STIM2: variants seen among roughly 807,000 people sequenced by gnomAD.
STIM2 encodes the protein stromal interaction molecule 2.
STIM2 carries 31 observed loss-of-function variants against 85.8 expected under a neutral mutation model. That is an observed-to-expected ratio of 0.36 (90% CI 0.27 to 0.49). The LOEUF is 0.49. STIM2 is among the 20% of genes least tolerant of loss of function. The probability of loss-of-function intolerance (pLI) is 0.98; values close to 1 mark genes in which losing one functional copy is unlikely to be tolerated. For synonymous variants in STIM2, 356 were observed against 331.1 expected (o/e 1.08, Z -0.82); for missense variants, 841 against 927.6 (o/e 0.91, Z 1.21).
chr4:27,005,737 T>C (rs1201763038), intron 7 of STIM2, among the ~76,000 whole-genome samples: 1 of 152,212 alleles, frequency 6.6e-6, no homozygotes, highest in Non-Finnish European at 1.5e-5. Flanking sequence ...AGTCATTATT[T>C]GGCAATCAAT....
intron 2 of STIM2, among the ~76,000 whole-genome samples, chr4:26,933,692 G>C (rs1725283487): frequency 7.3e-6 from 1 of 136,528 alleles, no homozygotes; most frequent in South Asian, 2.3e-4. Flanking sequence ...TTGAGCTAAG[G>C]AGTTGGAGAC....
intron 1 of STIM2, among the ~76,000 whole-genome samples, chr4:26,912,099 A>G (rs1724365289): frequency 6.6e-6 from 1 of 152,246 alleles, no homozygotes; most frequent in Admixed American, 6.5e-5. Context: ...TGAAGTATTG[A>G]AGTATTTGAT....
At chr4:26,962,393 A>G (rs1726509287) in intron 3 of STIM2, among the ~76,000 whole-genome samples, 1 of 152,206 alleles carries the variant, frequency 6.6e-6, no homozygotes, top group Admixed American at 6.5e-5. Flanking sequence ...ATTTATTGAT[A>G]AAATGAACAG....
At chr4:26,997,760 A>G (rs188650247) in intron 4 of STIM2, among the ~76,000 whole-genome samples, 8 of 152,340 alleles carry the variant, frequency 5.3e-5, no homozygotes, top group Admixed American at 2.0e-4. Context: ...CCTTCATGCA[A>G]TTTGATAAGT....
chr4:26,885,252 C>A (rs1156909562), intron 1 of STIM2, among the ~76,000 whole-genome samples: 1 of 152,088 alleles, frequency 6.6e-6, no homozygotes, highest in African/African-American at 2.4e-5. Context: ...GGGCTCAAAT[C>A]ATCAGTATAC....
At chr4:26,975,219 G>A (rs1294152335) in intron 3 of STIM2, among the ~76,000 whole-genome samples, 1 of 152,010 alleles carries the variant, frequency 6.6e-6, no homozygotes, top group Admixed American at 6.6e-5. Flanking sequence ...TGTTATTACC[G>A]ACCTTCTGAA....
chr4:26,870,901 C>CT lies in STIM2; in HGVS notation c.151+9547dup, dbSNP rs58728231. 6.9e-3 allele frequency among the ~76,000 whole-genome samples: 971 copies of CT among 141,220 alleles called. 7 individuals are homozygous for CT. The highest frequency in any genetic ancestry group is 9.2e-3 in the African/African-American group (355 of 38,698). 92.6% of individuals were successfully genotyped at this position (141,220 alleles called of 152,430 possible). On this transcript the variant is annotated intron_variant, in intron 1 of 11. Transcript: ENST00000467087. ...GTTATTAGTAGGTTATTAGTGAATC[C>CT]TTTTTTTTTTTTTTTAAATATCCAG...
intron 1 of STIM2, among the ~76,000 whole-genome samples, chr4:26,882,839 CTT>C (rs59438121): frequency 5.8e-5 from 8 of 137,348 alleles, no homozygotes; most frequent in Admixed American, 7.3e-5. Context: ...CCTTTTCTTT[CTT>C]TTTTTTTTTT....
chr4:27,012,392 C>A (rs1021499811), intron 10 of STIM2, among the ~76,000 whole-genome samples: 97 of 151,914 alleles, frequency 6.4e-4, no homozygotes, highest in East Asian at 1.9e-4. Flanking sequence ...GAGATCTTTT[C>A]TATCTTTAAG....
At chr4:26,932,268 T>C (rs547135910) in intron 2 of STIM2, among the ~76,000 whole-genome samples, 4 of 152,370 alleles carry the variant, frequency 2.6e-5, no homozygotes, top group East Asian at 3.9e-4. Flanking sequence ...ATTATTAATC[T>C]TCAAAGGATG....
chr4:26,943,352 G>A (rs1482054942), intron 2 of STIM2, among the ~76,000 whole-genome samples: 1 of 152,056 alleles, frequency 6.6e-6, no homozygotes, highest in Non-Finnish European at 1.5e-5. Context: ...GCAATGAGAG[G>A]CAGGCTTGTG....
intron 2 of STIM2, among the ~76,000 whole-genome samples, chr4:26,928,269 G>T (rs1206237446): frequency 1.3e-5 from 2 of 152,018 alleles, no homozygotes; most frequent in Non-Finnish European, 2.9e-5. Flanking sequence ...TATGAGTTTT[G>T]GAGGGGACAA....
chr4:26,937,950 T>G lies in STIM2; in HGVS notation c.282+18316T>G, dbSNP rs1296327986. Among the ~76,000 whole-genome samples the G allele has an allele frequency of 3.3e-5, 5 of 152,300 alleles. No homozygotes were observed. The East Asian group carries it at 9.6e-4, about 29-fold the overall frequency. On this transcript the variant is annotated intron_variant, in intron 2 of 11. Transcript: ENST00000467087. ...ACATGACGGAAACACTCAGCAACTT[T>G]CCATTCCTTTTTCTTTTTTGCAGAT...
chr4:26,882,043 T>G (rs1454230877), intron 1 of STIM2, among the ~76,000 whole-genome samples: 1 of 152,190 alleles, frequency 6.6e-6, no homozygotes, highest in East Asian at 1.9e-4. Context: ...AACAGAATCT[T>G]TGGTATTTTC....
At chr4:26,864,696 A>G (rs563814624) in intron 1 of STIM2, among the ~76,000 whole-genome samples, 1 of 152,130 alleles carries the variant, frequency 6.6e-6, no homozygotes, top group South Asian at 2.1e-4. Context: ...TAGAAATAAC[A>G]TATATAAAAA....
chr4:26,913,679 C>T (rs1724424293), intron 1 of STIM2, among the ~76,000 whole-genome samples: 1 of 152,084 alleles, frequency 6.6e-6, no homozygotes, highest in South Asian at 2.1e-4. Flanking sequence ...AAGCTTTTTT[C>T]TTTCAAACAT....
intron 2 of STIM2, among the ~76,000 whole-genome samples, chr4:26,943,278 T>G (rs992093618): frequency 2.6e-5 from 4 of 152,178 alleles, no homozygotes; most frequent in African/African-American, 9.7e-5. Flanking sequence ...GAAAAATGAT[T>G]GATTGAATCC....
chr4:26,936,385 C>A (rs1725392673), intron 2 of STIM2, among the ~76,000 whole-genome samples: 1 of 152,154 alleles, frequency 6.6e-6, no homozygotes, highest in Non-Finnish European at 1.5e-5. Context: ...CATTTGTGGT[C>A]ATGTATCTGC....
intron 7 of STIM2, among the ~76,000 whole-genome samples, chr4:27,004,834 A>C (rs577223071): frequency 1.3e-5 from 2 of 152,330 alleles, no homozygotes; most frequent in East Asian, 3.9e-4. Flanking sequence ...TATTAATAAG[A>C]AACACAATTT....
Sources: gnomAD v4.1 joint callset for allele counts (sites outside exome capture counted in the v4.1 genomes callset) on GRCh38, gnomAD v4.1.1 for gene constraint, MANE v1.5 for transcripts, NCBI Gene and HGNC (gene_info 2026-07-23, HGNC 2026-07-21) for gene names.